SATB2: variants seen among roughly 807,000 people sequenced by gnomAD.
SATB2 encodes the protein SATB homeobox 2.
A neutral mutation model predicts 73.4 loss-of-function variants in SATB2; 1 was observed. The ratio of observed to expected loss-of-function variants is 0.01; its 90% CI spans 0.00 to 0.06. The LOEUF is 0.06. Ranked by LOEUF, SATB2 falls within the 10% of genes least tolerant of loss-of-function variation. The pLI is 1.00. For missense variants in SATB2, 459 were observed against 945.8 expected (o/e 0.49, Z 6.75); for synonymous variants, 397 against 367.0 (o/e 1.08, Z -0.93).
At chr2:199,306,311 T>C (rs1687430865) in intron 10 of SATB2, among the ~76,000 whole-genome samples, 1 of 152,144 alleles carries the variant, frequency 6.6e-6, no homozygotes, top group African/African-American at 2.4e-5. Flanking sequence ...CTGACAGACA[T>C]AAATTCAACG....
Position 199,301,684 on chromosome 2 carries a change from G to C in SATB2, c.1740+7076C>G, listed in dbSNP as rs565136010. Among the ~76,000 whole-genome samples, 4 of 152,256 alleles carry C rather than the reference G, an allele frequency of 2.6e-5. No individual in the cohort carries two copies. The South Asian group carries it at 8.3e-4, about 32-fold the overall frequency. On this transcript the variant is annotated intron_variant, in intron 10 of 10. Coordinates refer to ENST00000417098, the MANE Select transcript of SATB2 (RefSeq NM_001172509.2). ...TGCAAGAGAAAGTGAGTTTGACAAA[G>C]GCATGGTAAAAAGTCATGAGGTAGA...
rs1297134099 is a variant in SATB2 at position 199,446,045 on chromosome 2, TAAAC to T, written c.169+9820_169+9823del. Among the ~76,000 whole-genome samples, 15 of 152,296 alleles carry T rather than the reference TAAAC, an allele frequency of 9.8e-5. No individual in the cohort carries two copies. The East Asian group carries it at 1.5e-3, about 16-fold the overall frequency. On this transcript the variant is annotated intron_variant, in intron 2 of 10. Coordinates refer to ENST00000417098, the MANE Select transcript of SATB2 (RefSeq NM_001172509.2). Reference sequence around the variant, plus strand: ...AAGGATCACAGTTTATTTTCCAAAATAAACAATACTGAAAAATTCAGTCACGTAA... The same window carrying T: ...AAGGATCACAGTTTATTTTCCAAAATAATACTGAAAAATTCAGTCACGTAA...
At chr2:199,406,567 T>G (rs1356860158) in intron 3 of SATB2, among the ~76,000 whole-genome samples, 2 of 152,192 alleles carry the variant, frequency 1.3e-5, no homozygotes, top group Non-Finnish European at 2.9e-5. Flanking sequence ...ATCTGGCTTA[T>G]AGTACTCATC....
intron 2 of SATB2, among the ~76,000 whole-genome samples, chr2:199,442,779 A>G (rs1018965090): frequency 1.8e-4 from 27 of 152,136 alleles, no homozygotes; most frequent in African/African-American, 6.3e-4. Flanking sequence ...TTAAAAATAG[A>G]AAGGAAAAAA....
intron 10 of SATB2, among the ~76,000 whole-genome samples, chr2:199,283,644 C>G (rs1315013038): frequency 2.0e-5 from 3 of 151,502 alleles, no homozygotes; most frequent in Admixed American, 6.6e-5. Context: ...TACAAAAGCA[C>G]TGGTGGGAAA....
chr2:199,359,721 C>T (rs922937796), intron 6 of SATB2, among the ~76,000 whole-genome samples: 1 of 152,134 alleles, frequency 6.6e-6, no homozygotes, highest in African/African-American at 2.4e-5. Context: ...CCCAAAACCT[C>T]TACCTCTGAA....
intron 9 of SATB2, among the ~76,000 whole-genome samples, chr2:199,309,853 G>A (rs544379554): frequency 6.6e-6 from 1 of 152,252 alleles, no homozygotes; most frequent in African/African-American, 2.4e-5. Flanking sequence ...CTTAAGAGGT[G>A]CATAAACACG....
intron 9 of SATB2, among the ~76,000 whole-genome samples, chr2:199,322,196 AAAG>A (rs1466620179): frequency 1.3e-5 from 2 of 152,228 alleles, no homozygotes; most frequent in Non-Finnish European, 1.5e-5. Flanking sequence ...GCTGCTTATA[AAAG>A]AAGGACTGTG....
rs527558165 is a variant in SATB2 at position 199,294,530 on chromosome 2, C to T, written c.1740+14230G>A. On this transcript the variant is annotated intron_variant, in intron 10 of 10. Transcript: ENST00000417098. ...GCATGCTGTTTAACTATTTTAGCCCCTGTCTCCTTGGGAGGCTTTCATTTC... is the reference window on the plus strand; with the variant it reads ...GCATGCTGTTTAACTATTTTAGCCCTTGTCTCCTTGGGAGGCTTTCATTTC... Among the ~76,000 whole-genome samples, 99 of 152,254 alleles carry T rather than the reference C, an allele frequency of 6.5e-4. 1 individual carries two copies. The highest frequency in any genetic ancestry group is 2.2e-3 in the African/African-American group (90 of 41,568).
intron 9 of SATB2, among the ~76,000 whole-genome samples, chr2:199,318,745 A>G (rs1198419345): frequency 6.6e-6 from 1 of 152,088 alleles, no homozygotes; most frequent in Admixed American, 6.5e-5. Flanking sequence ...TATGTACCTG[A>G]GACATTTTAA....
intron 5 of SATB2, among the ~76,000 whole-genome samples, chr2:199,370,657 T>C (rs1278801573): frequency 6.6e-6 from 1 of 152,152 alleles, no homozygotes; most frequent in Non-Finnish European, 1.5e-5. Context: ...GACTGCATCA[T>C]TTTGGCCCCA....
chr2:199,427,844 A>T (rs140127526), intron 3 of SATB2, among the ~76,000 whole-genome samples: 111 of 152,318 alleles, frequency 7.3e-4, no homozygotes, highest in African/African-American at 2.5e-3. Context: ...CCTTGAAAGT[A>T]GCCTCTATGT....
At chr2:199,373,482 G>T (rs1434861983) in intron 5 of SATB2, among the ~76,000 whole-genome samples, 1 of 152,142 alleles carries the variant, frequency 6.6e-6, no homozygotes, top group East Asian at 1.9e-4. Flanking sequence ...TTAAGGGAAA[G>T]AAACACTTCC....
At chr2:199,284,401 T>C (rs1692623376) in intron 10 of SATB2, among the ~76,000 whole-genome samples, 1 of 152,182 alleles carries the variant, frequency 6.6e-6, no homozygotes, top group Admixed American at 6.5e-5. Context: ...CAACTAACCA[T>C]TAAGAAACTA....
intron 3 of SATB2, among the ~76,000 whole-genome samples, chr2:199,408,800 T>C (rs1690717069): frequency 6.6e-6 from 1 of 152,106 alleles, no homozygotes; most frequent in African/African-American, 2.4e-5. Context: ...TCCCTAGAAA[T>C]AGTAAAACAA....
In SATB2 at chr2:199,352,465, T is replaced by A. The variant is rs1047927262; in HGVS notation, c.701-3292A>T. Among the ~76,000 whole-genome samples, 7 of 152,168 alleles carry A rather than the reference T, an allele frequency of 4.6e-5. No homozygotes were observed. In the East Asian group the frequency reaches 1.4e-3, roughly 29 times the overall value. ...TAATGTCAGTCCATATTCTTTAAGG[T>A]TATATATAATCATTCTTTCTATCCT... On this transcript the variant is annotated intron_variant, in intron 6 of 10. Transcript: ENST00000417098.
chr2:199,277,859 T>C (rs920876067), intron 10 of SATB2, among the ~76,000 whole-genome samples: 1 of 152,076 alleles, frequency 6.6e-6, no homozygotes, highest in East Asian at 1.9e-4. Flanking sequence ...AAAACTGGAG[T>C]TCCAAAAGTG....
chr2:199,311,343 G>A (rs2105772750), intron 9 of SATB2, among the ~76,000 whole-genome samples: 1 of 152,254 alleles, frequency 6.6e-6, no homozygotes, highest in Non-Finnish European at 1.5e-5. Flanking sequence ...ATCAGATTAA[G>A]GGATGGAGCC....
chr2:199,382,502 T>C (rs1309188913), intron 3 of SATB2, among the ~76,000 whole-genome samples: 1 of 152,234 alleles, frequency 6.6e-6, no homozygotes, highest in Non-Finnish European at 1.5e-5. Flanking sequence ...TCCTGCTGCA[T>C]ATGGTAAACA....
Sources: allele counts gnomAD v4.1 joint callset (sites outside exome capture counted in the v4.1 genomes callset), GRCh38; gene constraint gnomAD v4.1.1; transcripts MANE v1.5; gene names NCBI Gene and HGNC (gene_info 2026-07-23, HGNC 2026-07-21).